The following CUX1 variants were observed in gnomAD, a reference collection of about 807,000 sequenced individuals.
CUX1 encodes the protein protein CASP.
In CUX1, 31 loss-of-function variants were observed where a neutral mutation model predicts 158.8. The ratio of observed to expected loss-of-function variants is 0.20; its 90% CI spans 0.15 to 0.26. The LOEUF is 0.26. Ranked by LOEUF, CUX1 falls within the 10% of genes least tolerant of loss-of-function variation. CUX1 has a pLI of 1.00. For synonymous variants in CUX1, 879 were observed against 862.1 expected, an observed-to-expected ratio of 1.02 and a Z score of -0.34; for missense variants, 1,589 against 2,014.6, an observed-to-expected ratio of 0.79 and a Z score of 4.04.
intron 1 of CUX1, among the ~76,000 whole-genome samples, chr7:101,866,709 C>T (rs1277539740): frequency 6.6e-6 from 1 of 152,104 alleles, no homozygotes; most frequent in Non-Finnish European, 1.5e-5. Context: ...AGACAATGAA[C>T]AGCTCGTTAA....
chr7:102,010,323 G>A lies in CUX1; in HGVS notation c.142-17775G>A, dbSNP rs187242276. Among the ~76,000 whole-genome samples the A allele has an allele frequency of 1.4e-3, 206 of 151,306 alleles. 1 individual carries two copies. Among genetic ancestry groups the A allele is most frequent in the African/African-American group, 4.8e-3 (198 of 41,218 alleles). On this transcript the variant is annotated intron_variant, in intron 2 of 23. Coordinates refer to ENST00000292535, the MANE Select transcript of CUX1 (RefSeq NM_181552.4). ...AGCAGGAGAATCACTTGAACCCAGA[G>A]GTGGAGGTTGCAGTGAGCTGAGATC...
chr7:102,242,126 G>A (rs1554535153), intron 23 of CUX1, among the ~76,000 whole-genome samples: 10 of 151,932 alleles, frequency 6.6e-5, no homozygotes. Context: ...TGAAGGAAAT[G>A]AACGGAAACG....
chr7:101,917,343 A>G (rs1013427374), intron 2 of CUX1, among the ~76,000 whole-genome samples: 6 of 152,382 alleles, frequency 3.9e-5, no homozygotes, highest in Non-Finnish European at 7.3e-5. Context: ...TTCTGTCTTC[A>G]GAATAAATAT....
chr7:102,039,342 C>G lies in CUX1; in HGVS notation c.189+11197C>G, dbSNP rs553364375. ...TTGGTGTGCTCTGATACTGCTTGAG[C>G]GGGGAGGAAGCAGTGCCTTCAGCCC... On this transcript the variant is annotated intron_variant, in intron 3 of 23. Transcript: ENST00000292535. 2.7e-3 allele frequency among the ~76,000 whole-genome samples: 404 copies of G among 152,230 alleles called. 3 individuals carry two copies. Among genetic ancestry groups the G allele is most frequent in the African/African-American group, 9.3e-3 (386 of 41,550 alleles).
intron 14 of CUX1, among the ~76,000 whole-genome samples, chr7:102,266,225 G>C (rs892914958): frequency 6.7e-6 from 1 of 149,610 alleles, no homozygotes; most frequent in African/African-American, 2.5e-5. Flanking sequence ...AAAAAAGAGA[G>C]AGAGAGAGAC....
At chr7:101,961,373 A>C (rs1445574834) in intron 2 of CUX1, 1 of 152,180 alleles carries the variant, frequency 6.6e-6, no homozygotes, top group Non-Finnish European at 1.5e-5. Flanking sequence ...CCAGCTATAA[A>C]TATTGGTTAT....
intron 8 of CUX1, among the ~76,000 whole-genome samples, chr7:102,122,077 C>A (rs1446098878): frequency 2.6e-5 from 4 of 152,170 alleles, no homozygotes; most frequent in Admixed American, 2.0e-4. Flanking sequence ...AATCACCCAG[C>A]TGTCTTGACC....
chr7:102,235,260 C>A (rs1375821447), intron 22 of CUX1, among the ~76,000 whole-genome samples: 3 of 152,340 alleles, frequency 2.0e-5, no homozygotes, highest in African/African-American at 7.2e-5. Context: ...CACCCTCAGT[C>A]CTCAGGTCAC....
intron 1 of CUX1, among the ~76,000 whole-genome samples, chr7:101,860,778 T>TTCCTTCCC (rs1562938939): frequency 7.6e-6 from 1 of 132,010 alleles, no homozygotes; most frequent in Admixed American, 8.3e-5. Flanking sequence ...CCTTCCTTCC[T>TTCCTTCCC]TCCTTCCCTC....
In CUX1 at chr7:102,234,179, G is replaced by A. The variant is rs138052588; in HGVS notation, c.3561G>A (p.Leu1187=). The A allele has an allele frequency of 2.5e-6, 4 of 1,598,818 alleles. No individual in the cohort carries two copies. Among genetic ancestry groups the A allele is most frequent in the African/African-American group, 2.7e-5 (2 of 74,114 alleles). Residue 1187 remains leucine (L), a synonymous_variant, in exon 22 of 24, where the codon CTG becomes CTA. Transcript: ENST00000292535. ...KGREPFVRMQ[L]WLNDPNNVEK... ...GAGAGCCCTTCGTCCGGATGCAGCT[G>A]TGGCTGAACGACCCCAACAATGTGG...
chr7:102,281,734 C>A, intron 20 of CUX1: 1 of 754,442 alleles, frequency 1.3e-6, no homozygotes, highest in Admixed American at 2.0e-5. Flanking sequence ...GCTTCCTGTC[C>A]CTTCCCTCCC....
At chr7:102,277,350 C>T (rs1791684031) in intron 17 of CUX1, among the ~76,000 whole-genome samples, 1 of 152,098 alleles carries the variant, frequency 6.6e-6, no homozygotes. Flanking sequence ...AATCCCAACA[C>T]TTTGGGAGGC....
At position 102,256,630 on chromosome 7, in the gene CUX1, A is replaced by T; in HGVS notation, c.*7588A>T. ...TGTTTATGAACAAAAAAATTTACCA[A>T]CGTGTGAGGGAGTTGCTGAGTTGAA... On this transcript the variant is annotated 3_prime_UTR_variant, in exon 24 of 24. Coordinates refer to ENST00000292535, the MANE Select transcript of CUX1 (RefSeq NM_181552.4). 1 of 985,418 alleles carries T rather than the reference A, an allele frequency of 1.0e-6. No individual in the cohort carries two copies. Among genetic ancestry groups the T allele is most frequent in the Non-Finnish European group, 1.2e-6 (1 of 829,934 alleles). The allele number at this position is 985,418 out of a possible 1,614,324, so 61.0% of individuals were successfully genotyped here.
chr7:102,222,377 G>A (rs982910805), intron 20 of CUX1, among the ~76,000 whole-genome samples: 5 of 152,134 alleles, frequency 3.3e-5, no homozygotes, highest in Admixed American at 6.5e-5. Context: ...TAGGAAGGTC[G>A]AGGTTTTCCC....
intron 2 of CUX1, among the ~76,000 whole-genome samples, chr7:101,955,959 G>A (rs1246363920): frequency 2.0e-5 from 3 of 151,686 alleles, no homozygotes; most frequent in Non-Finnish European, 4.4e-5. Flanking sequence ...CAAGGTGGGC[G>A]GATCACGAGG....
chr7:102,261,638 A>G (rs1790407082), downstream of CUX1, among the ~76,000 whole-genome samples: 1 of 151,330 alleles, frequency 6.6e-6, no homozygotes, highest in East Asian at 1.9e-4. Flanking sequence ...CAACCCTCCC[A>G]TTGTTCAGGG....
At chr7:102,246,998 C>T (rs897713877) in intron 23 of CUX1, among the ~76,000 whole-genome samples, 1 of 152,188 alleles carries the variant, frequency 6.6e-6, no homozygotes, top group East Asian at 1.9e-4. Context: ...TGCCCCTGCA[C>T]TCCAGCCTAA....
intron 5 of CUX1, among the ~76,000 whole-genome samples, chr7:102,101,292 C>T (rs1829748783): frequency 6.6e-6 from 1 of 152,172 alleles, no homozygotes; most frequent in Non-Finnish European, 1.5e-5. Flanking sequence ...AAATGGAGGC[C>T]CCAGGTAATG....
chr7:102,216,563 C>T (rs1372830464), intron 20 of CUX1, among the ~76,000 whole-genome samples: 2 of 107,994 alleles, frequency 1.9e-5, no homozygotes, highest in East Asian at 8.2e-4. Flanking sequence ...CACGCACACA[C>T]ACTCCCACAC....
Sources: allele counts gnomAD v4.1 joint callset (sites outside exome capture counted in the v4.1 genomes callset), GRCh38; gene constraint gnomAD v4.1.1; transcripts MANE v1.5; gene names NCBI Gene and HGNC (gene_info 2026-07-23, HGNC 2026-07-21).